The following MICALL1 variants were observed in gnomAD, a reference collection of about 807,000 sequenced individuals.
The protein encoded by MICALL1 is MICAL like 1, also known as MICAL-like protein 1.
MICALL1 carries 61 observed loss-of-function variants against 83.7 expected under a neutral mutation model. The ratio of observed to expected loss-of-function variants is 0.73; its 90% CI spans 0.59 to 0.90. The LOEUF (loss-of-function observed/expected upper bound fraction) is 0.90. Among genes scored for constraint, MICALL1 ranks in the 40% least tolerant of loss-of-function variants. The pLI is 0.00. For missense variants in MICALL1, 1,066 were observed against 1,152.0 expected (o/e 0.93, Z 1.08); for synonymous variants, 481 against 473.6 (o/e 1.02, Z -0.20).
intron 3 of MICALL1, 35 bp downstream of exon 3, chr22:37,912,527 C>T (rs1282172360): frequency 6.4e-7 from 1 of 1,557,714 alleles, no homozygotes; most frequent in Non-Finnish European, 8.8e-7. Flanking sequence ...CGGAGGCTGG[C>T]CCAGGGGGTG....
intron 4 of MICALL1, 138 bp from the exon 5 acceptor site, chr22:37,918,898 T>C: frequency 9.1e-7 from 1 of 1,096,746 alleles, no homozygotes; most frequent in Non-Finnish European, 1.2e-6. Context: ...GGGGCCCTGA[T>C]GAAGTCCATT....
At position 37,925,683 on chromosome 22, in the gene MICALL1, C is replaced by T. The variant is rs1173631732; in HGVS notation, c.1105C>T (p.Pro369Ser). 2.5e-6 allele frequency: 4 copies of T among 1,607,642 alleles called. No individual in the cohort carries two copies. Among genetic ancestry groups the T allele is most frequent in the Non-Finnish European group, 3.4e-6 (4 of 1,177,542 alleles). ...CAGGACACCAGCCCCCAGGAAGGAC[C>T]CCCCATGGATCACGCTGGTGCAGGC... ...SEGTPAPRKDPPWITLVQAEP... is the reference protein window; with the variant it reads ...SEGTPAPRKDSPWITLVQAEP... Residue 369 changes from proline (P) to serine (S), a missense_variant, in exon 8 of 16, where the codon CCC becomes TCC. By Grantham distance (74) the Pro-to-Ser change is moderately conservative. Transcript: ENST00000215957.
At position 37,924,297 on chromosome 22, in the gene MICALL1, G is replaced by A. The variant is rs1410782825; in HGVS notation, c.1025-363G>A. Among the ~76,000 whole-genome samples the A allele has an allele frequency of 6.6e-6, 1 of 152,200 alleles. No homozygotes were observed. Among genetic ancestry groups the A allele is most frequent in the African/African-American group, 2.4e-5 (1 of 41,450 alleles). On this transcript the variant is annotated intron_variant, in intron 6 of 15. Coordinates refer to ENST00000215957, the MANE Select transcript of MICALL1 (RefSeq NM_033386.4). This position sits in a 1 kb window ranked among gnomAD's most constrained non-coding sequence, Gnocchi z 5.2. ...TGGAAGTCTTGCTAAGTTGGAAGGA[G>A]GGGAGCAGGGGCTGCTGTGGGATTC...
At chr22:37,935,812 C>T (rs1930090155) in intron 13 of MICALL1, among the ~76,000 whole-genome samples, 1 of 151,700 alleles carries the variant, frequency 6.6e-6, no homozygotes, top group African/African-American at 2.4e-5. Context: ...TCACTGCAAC[C>T]TCCACCTCCC....
At chr22:37,923,899 G>A (rs893858826) in intron 6 of MICALL1, among the ~76,000 whole-genome samples, 6 of 152,088 alleles carry the variant, frequency 3.9e-5, no homozygotes, top group Non-Finnish European at 8.8e-5. Context: ...GGTGGGCCCC[G>A]GAGCCAGTGT....
intron 4 of MICALL1, 140 bp downstream of exon 4, chr22:37,917,935 C>G (rs1928781087): frequency 1.3e-6 from 1 of 745,266 alleles, no homozygotes; most frequent in African/African-American, 1.7e-5. Flanking sequence ...TGTCCCTGCC[C>G]TATTGGCTTT....
chr22:37,929,989 G>A (rs1929700866), intron 9 of MICALL1, among the ~76,000 whole-genome samples: 1 of 152,186 alleles, frequency 6.6e-6, no homozygotes, highest in African/African-American at 2.4e-5. Flanking sequence ...TCCTCCTCTG[G>A]GCCTCGGGCT....
At position 37,937,127 on chromosome 22, in the gene MICALL1, C is replaced by T; in HGVS notation, c.2356C>T (p.Gln786Ter). 1.3e-6 allele frequency: 2 copies of T among 1,551,490 alleles called. No homozygotes were observed. Among genetic ancestry groups the T allele is most frequent in the South Asian group, 1.2e-5 (1 of 84,062 alleles). ...EDRAREKVLM[Q>*]ELVTLIEQRN... ...CCGGGCCCGGGAGAAGGTGCTGATG[C>T]AGGAGCTTGTGACCCTCATTGAGCA... The change falls in exon 14 of 16, where the codon CAG becomes TAG. Residue 786 changes from glutamine to a stop codon, truncating the protein, a stop_gained. Coordinates refer to ENST00000215957, the MANE Select transcript of MICALL1 (RefSeq NM_033386.4). LOFTEE classifies it high-confidence loss of function.
Position 37,925,762 on chromosome 22 carries a change from C to T in MICALL1, c.1184C>T (p.Pro395Leu), listed in dbSNP as rs753303025. 1.4e-5 allele frequency: 23 copies of T among 1,612,998 alleles called. No individual in the cohort carries two copies. In the South Asian group the frequency reaches 2.1e-4, roughly 15 times the overall value. The change falls in exon 8 of 16, where the codon CCA becomes CTA. Residue 395 changes from proline to leucine, a missense_variant. Pro to Leu is a moderately conservative substitution (Grantham distance 98, BLOSUM62 -3). Coordinates refer to ENST00000215957, the MANE Select transcript of MICALL1 (RefSeq NM_033386.4). The stretch of plus-strand genomic sequence containing the variant: ...CCCCCAAGCAGCAGCCCGGGGCCAC[C>T]AAGCCAGGACAGCAGGCAGGTGGAG... ...PLPPSSSPGPPSQDSRQVENG... is the reference protein window; with the variant it reads ...PLPPSSSPGPLSQDSRQVENG...
intron 15 of MICALL1, 98 bp downstream of exon 15, chr22:37,937,890 T>G: frequency 4.8e-6 from 7 of 1,447,898 alleles, no homozygotes; most frequent in African/African-American, 1.4e-5. Flanking sequence ...GAGTGGGCAC[T>G]ACCAGGATGG....
intron 13 of MICALL1, among the ~76,000 whole-genome samples, chr22:37,935,176 C>T (rs1930037771): frequency 6.6e-6 from 1 of 151,652 alleles, no homozygotes; most frequent in Admixed American, 6.6e-5. Flanking sequence ...TCGTGATCCA[C>T]CCGCCTCCGC....
At position 37,933,100 on chromosome 22, in the gene MICALL1, C is replaced by T; in HGVS notation, c.2296C>T (p.Leu766Phe). ...ADVEYELRCL[L>F]NKPEKDWTEE... ...TGTCGAGTATGAGCTCCGGTGCCTC[C>T]TCAATAAGCCAGGTGAGTGCAGCCA... Residue 766 changes from leucine to phenylalanine, a missense_variant, in exon 13 of 16, where the codon CTC (leucine) becomes TTC (phenylalanine). Coordinates refer to ENST00000215957, the MANE Select transcript of MICALL1 (RefSeq NM_033386.4). 1 of 1,613,848 alleles carries T rather than the reference C, an allele frequency of 6.2e-7. No individual in the cohort carries two copies. The highest frequency in any genetic ancestry group is 8.5e-7 in the Non-Finnish European group (1 of 1,179,996).
Position 37,933,065 on chromosome 22 carries a change from G to T in MICALL1, c.2261G>T (p.Arg754Leu), listed in dbSNP as rs184248807. The T allele has an allele frequency of 6.2e-7, 1 of 1,613,968 alleles. No individual in the cohort carries two copies. The highest frequency in any genetic ancestry group is 8.5e-7 in the Non-Finnish European group (1 of 1,180,006). Residue 754 changes from arginine (R) to leucine (L), a missense_variant, in exon 13 of 16, where the codon CGC becomes CTC. Physicochemically the swap from Arg to Leu is moderately radical, Grantham distance 102 (BLOSUM62 -2). Transcript: ENST00000215957. ...YVFKQQNLEQRQADVEYELRC... is the reference protein window; with the variant it reads ...YVFKQQNLEQLQADVEYELRC... Reference sequence around the variant, plus strand: ...TTCAAGCAGCAGAACCTGGAGCAGCGCCAGGCTGATGTCGAGTATGAGCTC... The same window carrying T: ...TTCAAGCAGCAGAACCTGGAGCAGCTCCAGGCTGATGTCGAGTATGAGCTC...
intron 15 of MICALL1, 158 bp downstream of exon 15, chr22:37,937,950 C>A: frequency 1.1e-6 from 1 of 876,778 alleles, no homozygotes; most frequent in Non-Finnish European, 1.8e-6. Context: ...CTGTGTGTAG[C>A]AAGAGAGGCC....
At chr22:37,922,595 A>G (rs1295069875) in intron 6 of MICALL1, among the ~76,000 whole-genome samples, 169 bp downstream of exon 6, 1 of 78,454 alleles carries the variant, frequency 1.3e-5, no homozygotes, top group Non-Finnish European at 2.5e-5. Context: ...ATATATATAT[A>G]TATATATTTT....
In MICALL1 at chr22:37,917,706, G is replaced by C. The variant is rs1270159570; in HGVS notation, c.338-1G>C. The C allele has an allele frequency of 6.2e-7, 1 of 1,613,494 alleles. No homozygotes were observed. Among genetic ancestry groups the C allele is most frequent in the African/African-American group, 1.3e-5 (1 of 74,900 alleles). ...AGGACCCCTTTCTCATCTCTTGGCA[G>C]CTGGTGTCTCGCCACCCAGAAAGGG... On this transcript the variant is annotated splice_acceptor_variant, in intron 3 of 15. Coordinates refer to ENST00000215957, the MANE Select transcript of MICALL1 (RefSeq NM_033386.4). LOFTEE classifies it high-confidence loss of function.
In MICALL1 at chr22:37,912,397, A is replaced by ACC. The variant is rs769017185; in HGVS notation, c.245_246dup (p.Asn83ProfsTer7). On this transcript the variant is annotated frameshift_variant, in exon 3 of 16. Coordinates refer to ENST00000215957, the MANE Select transcript of MICALL1 (RefSeq NM_033386.4). LOFTEE classifies it high-confidence loss of function. The stretch of plus-strand genomic sequence containing the variant: ...GAGCTGGGGATCCCCGCTCTCCTGG[A>ACC]CCCCAATGACATGGTCTCCATGAGC... The ACC allele has an allele frequency of 3.1e-6, 5 of 1,613,696 alleles. No homozygotes were observed. The highest frequency in any genetic ancestry group is 1.3e-5 in the African/African-American group (1 of 74,854).
chr22:37,940,776 A>G lies in MICALL1; in HGVS notation c.2538A>G (p.Lys846=), dbSNP rs776033599. The G allele has an allele frequency of 6.2e-7, 1 of 1,614,010 alleles. No homozygotes were observed. Among genetic ancestry groups the G allele is most frequent in the East Asian group, 2.2e-5 (1 of 44,890 alleles). Residue 846 remains lysine (K), a synonymous_variant, in exon 16 of 16, where the codon AAA becomes AAG. Coordinates refer to ENST00000215957, the MANE Select transcript of MICALL1 (RefSeq NM_033386.4). ...AGTTCAAGACCATGAAGATGTTGAAACTGCTAGGAAACAAACGTGATGCCA... is the reference window on the plus strand; with the variant it reads ...AGTTCAAGACCATGAAGATGTTGAAGCTGCTAGGAAACAAACGTGATGCCA... ...KGKFKTMKML[K]LLGNKRDAKS...
rs1359335335 is a variant in MICALL1, at chr22:37,921,943, A to G, written c.570-29A>G. ...AGTGCCTGGGCCCAGCTGCCTGGCTAAGTGAACCCCTGTCCTGTCCCCTGC... is the reference window on the plus strand; with the variant it reads ...AGTGCCTGGGCCCAGCTGCCTGGCTGAGTGAACCCCTGTCCTGTCCCCTGC... On this transcript the variant is annotated intron_variant, in intron 5 of 15. Transcript: ENST00000215957. 6 of 1,514,996 alleles carry G rather than the reference A, an allele frequency of 4.0e-6. No homozygotes were observed. The East Asian group carries it at 1.4e-4, about 35-fold the overall frequency. The allele number at this position is 1,514,996 out of a possible 1,614,324, so 93.8% of individuals were successfully genotyped here. A position where few individuals can be genotyped will look rare whatever the true frequency, so the allele number is the denominator to read the frequency against.
Sources: allele counts gnomAD v4.1 joint callset (sites outside exome capture counted in the v4.1 genomes callset), GRCh38; gene constraint gnomAD v4.1.1; non-coding constraint Gnocchi (gnomAD v3.1); transcripts MANE v1.5; gene names NCBI Gene and HGNC (gene_info 2026-07-23, HGNC 2026-07-21).